The following ERBB4 variants were observed in gnomAD, a reference collection of about 807,000 sequenced individuals.
ERBB4 encodes receptor tyrosine-protein kinase erbB-4.
A neutral mutation model predicts 158.0 loss-of-function variants in ERBB4; 42 were observed. The ratio of observed to expected loss-of-function variants is 0.27; its 90% CI spans 0.21 to 0.34. ERBB4 has a LOEUF of 0.34. ERBB4 is among the 10% of genes least tolerant of loss of function. The pLI is 1.00. For synonymous variants in ERBB4, 583 were observed against 558.7 expected, an observed-to-expected ratio of 1.04 and a Z score of -0.61; for missense variants, 1,333 against 1,624.1, an observed-to-expected ratio of 0.82 and a Z score of 3.08.
chr2:211,752,571 A>T (rs1224596371), intron 4 of ERBB4, among the ~76,000 whole-genome samples: 1 of 151,994 alleles, frequency 6.6e-6, no homozygotes, highest in East Asian at 1.9e-4. Context: ...GAAGGAAGGA[A>T]GGAACAAGGA....
At chr2:211,623,041 A>G (rs1005717964) in intron 18 of ERBB4, among the ~76,000 whole-genome samples, 1 of 105,290 alleles carries the variant, frequency 9.5e-6, no homozygotes, top group African/African-American at 3.6e-5. Context: ...ATATATATAT[A>G]TATAAAATGC....
At chr2:212,003,215 A>AAGAAAGACGGAC (rs1559294215) in intron 2 of ERBB4, among the ~76,000 whole-genome samples, 1 of 47,278 alleles carries the variant, frequency 2.1e-5, no homozygotes, top group Admixed American at 2.5e-4. Context: ...GACAGAAAGA[A>AAGAAAGACGGAC]GGAAGGAAGG....
At chr2:211,897,654 A>G (rs1412072538) in intron 3 of ERBB4, among the ~76,000 whole-genome samples, 1 of 151,958 alleles carries the variant, frequency 6.6e-6, no homozygotes, top group Non-Finnish European at 1.5e-5. Flanking sequence ...GTCTGACCCA[A>G]CCCTTCTTAA....
intron 2 of ERBB4, 188 bp downstream of exon 2, chr2:212,124,564 G>A: frequency 4.8e-6 from 3 of 627,840 alleles, no homozygotes; most frequent in South Asian, 1.9e-5. Flanking sequence ...AGGAGCGTCA[G>A]TCATTATGGC....
chr2:212,088,964 C>A (rs2078694697), intron 2 of ERBB4, among the ~76,000 whole-genome samples: 1 of 151,838 alleles, frequency 6.6e-6, no homozygotes, highest in Non-Finnish European at 1.5e-5. Context: ...TGAGGGGGAC[C>A]TGAAAATACA....
Position 212,113,697 on chromosome 2 carries a change from ACT to A in ERBB4, c.234+11053_234+11054del, listed in dbSNP as rs781320096. Among the ~76,000 whole-genome samples, 12 of 151,674 alleles carry A rather than the reference ACT, an allele frequency of 7.9e-5. No individual in the cohort carries two copies. The East Asian group carries it at 2.1e-3, about 27-fold the overall frequency. On this transcript the variant is annotated intron_variant, in intron 2 of 27. Transcript: ENST00000342788. ...AAGTGAAAGTTGTGAAGGCTACATG[ACT>A]CTGCTCAAGTCATGCAACTCAGCCA...
At position 211,795,948 on chromosome 2, in the gene ERBB4, C is replaced by T. The variant is rs571290595; in HGVS notation, c.422-7789G>A. Among the ~76,000 whole-genome samples, 14 of 151,850 alleles carry T rather than the reference C, an allele frequency of 9.2e-5. No homozygotes were observed. The East Asian group carries it at 2.3e-3, about 25-fold the overall frequency. On this transcript the variant is annotated intron_variant, in intron 3 of 27. Coordinates refer to ENST00000342788, the MANE Select transcript of ERBB4 (RefSeq NM_005235.3). ...TGTTATAGTGACTCAAAAGAAACCT[C>T]GCATCTTCTGGATATTTATAAAACA...
At position 212,003,538 on chromosome 2, in the gene ERBB4, A is replaced by G. The variant is rs1879636; in HGVS notation, c.235-55922T>C. 4.6e-3 allele frequency among the ~76,000 whole-genome samples: 693 copies of G among 151,236 alleles called. 10 individuals are homozygous for G. The highest frequency in any genetic ancestry group is 0.032 in the Admixed American group (485 of 15,190). On this transcript the variant is annotated intron_variant, in intron 2 of 27. Transcript: ENST00000342788. ...AGAACTAAATGGAATGGAAAACACCACCTCTCTACACCCAAGTAACAAAAG... is the reference window on the plus strand; with the variant it reads ...AGAACTAAATGGAATGGAAAACACCGCCTCTCTACACCCAAGTAACAAAAG...
intron 20 of ERBB4, among the ~76,000 whole-genome samples, chr2:211,506,181 T>TAAACAACAAAGGGC: frequency 6.6e-6 from 1 of 150,892 alleles, no homozygotes; most frequent in Non-Finnish European, 1.5e-5. Flanking sequence ...AAGGGCATTA[T>TAAACAACAAAGGGC]ATAACAATAA....
At chr2:212,390,034 T>C (rs1402263434) in intron 1 of ERBB4, among the ~76,000 whole-genome samples, 1 of 151,876 alleles carries the variant, frequency 6.6e-6, no homozygotes, top group Non-Finnish European at 1.5e-5. Context: ...GTAAATGATT[T>C]TCCTCCTTAG....
chr2:211,958,208 C>T (rs2081083418), intron 2 of ERBB4, among the ~76,000 whole-genome samples: 1 of 152,062 alleles, frequency 6.6e-6, no homozygotes, highest in African/African-American at 2.4e-5. Flanking sequence ...TTAGTCATCT[C>T]CTCTAGTGAC....
At chr2:212,406,203 T>G (rs953505739) in intron 1 of ERBB4, among the ~76,000 whole-genome samples, 11 of 152,164 alleles carry the variant, frequency 7.2e-5, no homozygotes, top group African/African-American at 2.2e-4. Flanking sequence ...AGAAGTTTCA[T>G]GCACGTTGTA....
intron 16 of ERBB4, among the ~76,000 whole-genome samples, chr2:211,653,148 A>C (rs2071066744): frequency 6.6e-6 from 1 of 152,212 alleles, no homozygotes; most frequent in Admixed American, 6.5e-5. Flanking sequence ...TCTTGATGGA[A>C]AAGAAAAACC....
intron 2 of ERBB4, among the ~76,000 whole-genome samples, chr2:211,968,215 T>C (rs1398410411): frequency 6.6e-6 from 1 of 152,064 alleles, no homozygotes; most frequent in Admixed American, 6.6e-5. Flanking sequence ...TAGGCATCAT[T>C]GGTTTTTCAG....
chr2:211,914,359 C>A (rs1053441735), intron 3 of ERBB4, among the ~76,000 whole-genome samples: 1 of 151,588 alleles, frequency 6.6e-6, no homozygotes, highest in African/African-American at 2.4e-5. Flanking sequence ...AGAGCTACAA[C>A]TTATGTTAGG....
intron 2 of ERBB4, among the ~76,000 whole-genome samples, chr2:212,035,614 A>G (rs1017157687): frequency 3.3e-5 from 5 of 152,096 alleles, no homozygotes; most frequent in Admixed American, 3.3e-4. Flanking sequence ...TACATTTGCT[A>G]TTGTCTTCTA....
At chr2:212,334,942 C>T (rs1403617933) in intron 1 of ERBB4, among the ~76,000 whole-genome samples, 1 of 151,720 alleles carries the variant, frequency 6.6e-6, no homozygotes, top group African/African-American at 2.4e-5. Context: ...TAAACAGTTC[C>T]TAAGTAGATC....
intron 3 of ERBB4, among the ~76,000 whole-genome samples, chr2:211,928,514 A>G (rs1434013641): frequency 6.6e-6 from 1 of 152,192 alleles, no homozygotes; most frequent in Non-Finnish European, 1.5e-5. Flanking sequence ...TCTCCTGTAG[A>G]AATCTTTTGT....
intron 1 of ERBB4, among the ~76,000 whole-genome samples, chr2:212,524,730 A>G (rs1425705959): frequency 6.6e-6 from 1 of 151,980 alleles, no homozygotes; most frequent in East Asian, 1.9e-4. Context: ...CTATGCTGTG[A>G]TACACTTATC....
Sources: gnomAD v4.1 joint callset for allele counts (sites outside exome capture counted in the v4.1 genomes callset) on GRCh38, gnomAD v4.1.1 for gene constraint, MANE v1.5 for transcripts, NCBI Gene and HGNC (gene_info 2026-07-23, HGNC 2026-07-21) for gene names.